Variants in ACACA observed in about 807,000 individuals in gnomAD.
The protein encoded by ACACA is acetyl-CoA carboxylase alpha.
In ACACA, 103 loss-of-function variants were observed where a neutral mutation model predicts 296.1. The ratio of observed to expected loss-of-function variants is 0.35; its 90% CI spans 0.30 to 0.41. The LOEUF is 0.41. Among genes scored for constraint, ACACA ranks in the 10% least tolerant of loss-of-function variants. The pLI is 1.00. For missense variants in ACACA, 1,554 were observed against 2,989.7 expected (o/e 0.52, Z 11.20); for synonymous variants, 953 against 1,038.6 (o/e 0.92, Z 1.58).
intron 27 of ACACA, among the ~76,000 whole-genome samples, chr17:37,224,453 T>C (rs2079443195): frequency 6.6e-6 from 1 of 152,118 alleles, no homozygotes; most frequent in South Asian, 2.1e-4. Context: ...ATTTAAAAAA[T>C]AATTGCGGTG....
At chr17:37,129,331 C>G in intron 47 of ACACA, 34 bp downstream of exon 47, 1 of 1,613,534 alleles carries the variant, frequency 6.2e-7, no homozygotes, top group African/African-American at 1.3e-5. Flanking sequence ...AGCTTAAGAG[C>G]CAGGTACCAT....
At chr17:37,321,834 C>CT (rs1367245235) in intron 3 of ACACA, among the ~76,000 whole-genome samples, 4 of 151,352 alleles carry the variant, frequency 2.6e-5, no homozygotes, top group Non-Finnish European at 5.9e-5. Flanking sequence ...ATCCCAGCTA[C>CT]TCAGGAGGCT....
At chr17:37,315,532 C>G (rs933712652) in intron 3 of ACACA, among the ~76,000 whole-genome samples, 5 of 152,204 alleles carry the variant, frequency 3.3e-5, no homozygotes, top group Admixed American at 6.5e-5. Flanking sequence ...ATACCAGTTG[C>G]AAATCCCAGC....
chr17:37,104,713 G>A (rs903171687), intron 52 of ACACA, among the ~76,000 whole-genome samples: 1 of 152,172 alleles, frequency 6.6e-6, no homozygotes, highest in Non-Finnish European at 1.5e-5. Flanking sequence ...AGGCCAAGGT[G>A]GGAAGGACTG....
intron 50 of ACACA, among the ~76,000 whole-genome samples, chr17:37,116,056 G>A (rs1014413466): frequency 2.6e-5 from 4 of 151,922 alleles, no homozygotes; most frequent in African/African-American, 7.3e-5. Flanking sequence ...GCAGTGGCAC[G>A]ACCTCAGCTG....
Position 37,257,795 on chromosome 17 carries a change from G to A in ACACA, c.1734C>T (p.Phe578=). 1 of 1,614,170 alleles carries A rather than the reference G, an allele frequency of 6.2e-7. No individual in the cohort carries two copies. The highest frequency in any genetic ancestry group is 1.6e-4 in the Middle Eastern group (1 of 6,062). The change falls in exon 14 of 56, where the codon TTC becomes TTT. Residue 578 remains phenylalanine (F), a synonymous_variant. Coordinates refer to ENST00000616317, the MANE Select transcript of ACACA (RefSeq NM_198834.3). ...GAAGTCCCCCTGCAGCAGCAACACT[G>A]AAATATCCCCAAACATTCTTATTGC... ...FRSNKNVWGY[F]SVAAAGGLHE... is the part of the protein sequence containing the mutation.
intron 9 of ACACA, among the ~76,000 whole-genome samples, chr17:37,271,948 G>C (rs889195810): frequency 6.6e-6 from 1 of 152,142 alleles, no homozygotes; most frequent in African/African-American, 2.4e-5. Context: ...TTCCAGCTTG[G>C]GCAACAAAGT....
chr17:37,179,314 T>A lies in ACACA; in HGVS notation c.5025A>T (p.Val1675=). The part of the protein sequence containing the change: ...PSDMLTYTEL[V]LDDQGQLVHM... ...GGACCAGCTGACCTTGATCATCCAG[T>A]ACCAGTTCAGTGTAAGTCAGCATGT... Residue 1675 remains valine (V), a synonymous_variant, in exon 41 of 56, where the codon GTA becomes GTT. Transcript: ENST00000616317. 1 of 1,614,120 alleles carries A rather than the reference T, an allele frequency of 6.2e-7. No homozygotes were observed. The highest frequency in any genetic ancestry group is 8.5e-7 in the Non-Finnish European group (1 of 1,180,010).
At chr17:37,390,316 A>ATAT (rs1555672313) in intron 1 of ACACA, among the ~76,000 whole-genome samples, 8 of 50,618 alleles carry the variant, frequency 1.6e-4, no homozygotes, top group East Asian at 1.5e-3. Context: ...ATATATATAT[A>ATAT]TATATATATA....
chr17:37,322,905 A>G (rs2047423048), intron 3 of ACACA, among the ~76,000 whole-genome samples: 1 of 152,178 alleles, frequency 6.6e-6, no homozygotes, highest in Admixed American at 6.5e-5. Context: ...CCACCACTCA[A>G]TAAAACCTTG....
intron 3 of ACACA, chr17:37,289,323 T>C (rs2082937465): frequency 3.6e-6 from 2 of 554,274 alleles, no homozygotes; most frequent in African/African-American, 4.0e-5. Flanking sequence ...TATATCTGGC[T>C]GTAAATTATT....
chr17:37,311,083 T>A (rs1243116077), intron 3 of ACACA, among the ~76,000 whole-genome samples: 1 of 152,188 alleles, frequency 6.6e-6, no homozygotes, highest in Non-Finnish European at 1.5e-5. Flanking sequence ...GATTTAGCAA[T>A]ACAGTAGTCA....
chr17:37,199,193 T>C (rs1488280027), intron 35 of ACACA, among the ~76,000 whole-genome samples: 1 of 151,402 alleles, frequency 6.6e-6, no homozygotes. Context: ...TGAGCTGAGA[T>C]TGCGCCACTG....
intron 25 of ACACA, 77 bp from the exon 26 acceptor site, chr17:37,226,529 AG>A: frequency 5.5e-6 from 7 of 1,280,458 alleles, no homozygotes; most frequent in Non-Finnish European, 6.8e-6. Flanking sequence ...AATAGAGAAA[AG>A]GAATGAAAAC....
chr17:37,285,060 T>C, intron 3 of ACACA, 90 bp from the exon 4 acceptor site: 1 of 1,465,892 alleles, frequency 6.8e-7, no homozygotes, highest in Non-Finnish European at 9.5e-7. Context: ...CTTTCACAAC[T>C]GCATCCTGTG....
At chr17:37,343,703 G>A (rs1451096454) in intron 1 of ACACA, among the ~76,000 whole-genome samples, 2 of 150,710 alleles carry the variant, frequency 1.3e-5, no homozygotes, top group Non-Finnish European at 2.9e-5. Context: ...GGCAGAGGTT[G>A]CAGTGAGCCA....
intron 2 of ACACA, among the ~76,000 whole-genome samples, chr17:37,334,176 T>A (rs1260809350): frequency 6.6e-6 from 1 of 152,074 alleles, no homozygotes; most frequent in African/African-American, 2.4e-5. Context: ...CTGTTGCCTA[T>A]AGCCTTACTA....
chr17:37,211,485 A>G (rs1034188007), intron 29 of ACACA, among the ~76,000 whole-genome samples: 2 of 152,226 alleles, frequency 1.3e-5, no homozygotes, highest in Admixed American at 6.5e-5. Context: ...GGGCAAAGTT[A>G]TACTTACCAC....
chr17:37,346,795 A>G (rs1251486993), intron 1 of ACACA, among the ~76,000 whole-genome samples: 1 of 151,498 alleles, frequency 6.6e-6, no homozygotes, highest in East Asian at 1.9e-4. Flanking sequence ...AATTTCTCCC[A>G]TTTGGAATGG....
Sources: allele counts gnomAD v4.1 joint callset (sites outside exome capture counted in the v4.1 genomes callset), GRCh38; gene constraint gnomAD v4.1.1; transcripts MANE v1.5; gene names NCBI Gene and HGNC (gene_info 2026-07-23, HGNC 2026-07-21).